Variants in DGKK observed in about 807,000 individuals in gnomAD.
DGKK encodes 142 kDa diacylglycerol kinase.
Under a neutral mutation model 92.2 loss-of-function variants are expected in DGKK, and 35 were observed. That is an observed-to-expected ratio of 0.38 (90% CI 0.29 to 0.50). The LOEUF (loss-of-function observed/expected upper bound fraction) is 0.50. Ranked by LOEUF, DGKK falls within the 20% of genes least tolerant of loss-of-function variation. The pLI is 0.92. For missense variants in DGKK, 910 were observed against 992.2 expected (o/e 0.92, Z 1.11); for synonymous variants, 368 against 360.6 (o/e 1.02, Z -0.23).
At chrX:50,393,453 A>T in intron 8 of DGKK, 118 bp from the exon 9 acceptor site, 1 of 566,252 alleles carries the variant, frequency 1.8e-6, no homozygotes, top group Non-Finnish European at 2.7e-6. Context: ...CAGTCTTTTG[A>T]AAATGAGGAG....
intron 3 of DGKK, among the ~76,000 whole-genome samples, chrX:50,421,247 C>T (rs1204004365): frequency 2.7e-5 from 3 of 111,764 alleles, no homozygotes; most frequent in Non-Finnish European, 3.8e-5. Flanking sequence ...AGGACTTGAT[C>T]TTTTCCCAGA....
chrX:50,424,252 G>A lies in DGKK; in HGVS notation c.752C>T (p.Pro251Leu). The change falls in exon 2 of 28, where the codon CCC becomes CTC. Residue 251 changes from proline (P) to leucine (L), a missense_variant. Pro to Leu is a moderately conservative substitution (Grantham distance 98, BLOSUM62 -3). Transcript: ENST00000611977. The stretch of plus-strand genomic sequence containing the variant: ...TGACAATATGCTATACATTACCGCG[G>A]GATGGTGTGCAAAGTAGAGCTTCTG... ...QGQKLYFAHHPAFAHFETIDL... is the reference protein window; with the variant it reads ...QGQKLYFAHHLAFAHFETIDL... 1 of 1,209,085 alleles carries A rather than the reference G, an allele frequency of 8.3e-7. No individual in the cohort carries two copies. The highest frequency in any genetic ancestry group is 1.1e-6 in the Non-Finnish European group (1 of 893,808).
chrX:50,464,031 A>T (rs1027025547), intron 1 of DGKK, among the ~76,000 whole-genome samples: 2 of 110,473 alleles, frequency 1.8e-5, no homozygotes, highest in African/African-American at 6.5e-5. Context: ...TCAGTTAAAA[A>T]TTAATTAAAA....
chrX:50,469,478 G>C (rs1377109518), intron 1 of DGKK, among the ~76,000 whole-genome samples: 1 of 112,445 alleles, frequency 8.9e-6, no homozygotes, highest in Non-Finnish European at 1.9e-5. Context: ...GTACCAGCTC[G>C]AAGCAGCCGG....
At chrX:50,455,721 G>A (rs1926592501) in intron 1 of DGKK, among the ~76,000 whole-genome samples, 2 of 111,566 alleles carry the variant, frequency 1.8e-5, no homozygotes, top group African/African-American at 6.5e-5. Flanking sequence ...AGAAGTTATT[G>A]AAAAAATTAC....
chrX:50,407,446 T>C (rs1925184409), intron 4 of DGKK, among the ~76,000 whole-genome samples: 1 of 111,161 alleles, frequency 9.0e-6, no homozygotes, highest in South Asian at 3.9e-4. Flanking sequence ...CACTGTGTAC[T>C]CTTGTGGTTT....
intron 21 of DGKK, 124 bp downstream of exon 21, chrX:50,378,454 C>G: frequency 1.3e-6 from 1 of 762,521 alleles, no homozygotes; most frequent in South Asian, 2.6e-5. Flanking sequence ...TTACTGCCCA[C>G]CAGATAACCT....
chrX:50,388,552 G>C lies in DGKK; in HGVS notation c.1993C>G (p.Pro665Ala). 8.3e-7 allele frequency: 1 copy of C among 1,208,446 alleles called. No individual in the cohort carries two copies. Among genetic ancestry groups the C allele is most frequent in the Non-Finnish European group, 1.1e-6 (1 of 893,641 alleles). Residue 665 changes from proline (P) to alanine (A), a missense_variant, in exon 13 of 28, where the codon CCC (proline) becomes GCC (alanine). By Grantham distance (27) the Pro-to-Ala change is conservative (BLOSUM62 -1). Transcript: ENST00000611977. ...CTGGTTGCGATGATCATCTCTGTGGGGTACTTGGCCTTCAGGATTTTGTTC... is the reference window on the plus strand; with the variant it reads ...CTGGTTGCGATGATCATCTCTGTGGCGTACTTGGCCTTCAGGATTTTGTTC... ...ELNKILKAKY[P>A]TEMIIATRFL...
intron 24 of DGKK, among the ~76,000 whole-genome samples, chrX:50,375,581 A>G (rs971939154): frequency 8.9e-6 from 1 of 111,887 alleles, no homozygotes; most frequent in Non-Finnish European, 1.9e-5. Context: ...GGACAAAGCC[A>G]TGGGGTGACA....
intron 18 of DGKK, 96 bp from the exon 19 acceptor site, chrX:50,380,173 G>A: frequency 1.4e-6 from 1 of 721,701 alleles, no homozygotes; most frequent in Non-Finnish European, 2.1e-6. Flanking sequence ...CTTCTCAAAT[G>A]CCTTCTTACA....
chrX:50,377,036 G>T, intron 22 of DGKK, 118 bp from the exon 23 acceptor site: 1 of 650,905 alleles, frequency 1.5e-6, no homozygotes, highest in Non-Finnish European at 2.2e-6. Context: ...GTGGGTAGAG[G>T]GGAAGGAGGG....
At chrX:50,393,844 A>G (rs1924766061) in intron 8 of DGKK, among the ~76,000 whole-genome samples, 1 of 112,079 alleles carries the variant, frequency 8.9e-6, no homozygotes, top group Non-Finnish European at 1.9e-5. Context: ...TCATTTAGCC[A>G]GGAGCTAATA....
chrX:50,415,312 G>A (rs1359961441), intron 4 of DGKK, among the ~76,000 whole-genome samples: 20 of 111,811 alleles, frequency 1.8e-4, no homozygotes, highest in African/African-American at 5.5e-4. Flanking sequence ...CAGTAAGTTC[G>A]AAATATTGTT....
chrX:50,460,453 G>A (rs1926715497), intron 1 of DGKK, among the ~76,000 whole-genome samples: 1 of 111,404 alleles, frequency 9.0e-6, no homozygotes, highest in Non-Finnish European at 1.9e-5. Context: ...GGATGTGTGG[G>A]TGGGTGGGGA....
At chrX:50,424,860 A>G (rs1487762162) in intron 1 of DGKK, among the ~76,000 whole-genome samples, 2 of 111,591 alleles carry the variant, frequency 1.8e-5, no homozygotes, top group African/African-American at 6.5e-5. Flanking sequence ...AGCCAAATCC[A>G]GTCTTTACCA....
chrX:50,384,873 G>C (rs781785841), intron 15 of DGKK, 49 bp from the exon 16 acceptor site: 3 of 953,097 alleles, frequency 3.1e-6, no homozygotes, highest in Non-Finnish European at 4.5e-6. Flanking sequence ...AGGAGGAAGG[G>C]AGGGAGGAAG....
At chrX:50,388,761 G>T (rs1483014110) in intron 12 of DGKK, 143 bp from the exon 13 acceptor site, 3 of 420,467 alleles carry the variant, frequency 7.1e-6, no homozygotes, top group Non-Finnish European at 1.2e-5. Context: ...AATGATCAAA[G>T]AATTCTTGTT....
At chrX:50,400,934 TTGAC>T (rs1267395881) in intron 8 of DGKK, 99 bp downstream of exon 8, 1 of 757,027 alleles carries the variant, frequency 1.3e-6, no homozygotes, top group African/African-American at 2.1e-5. Flanking sequence ...CCCAAAATGT[TTGAC>T]TGGTTGAGGA....
chrX:50,440,989 C>A (rs1355044194), intron 1 of DGKK, among the ~76,000 whole-genome samples: 4 of 111,692 alleles, frequency 3.6e-5, no homozygotes, highest in African/African-American at 1.3e-4. Flanking sequence ...CTTCAATCCT[C>A]ATGGCTTCCT....
Sources: gnomAD v4.1 joint callset for allele counts (sites outside exome capture counted in the v4.1 genomes callset) on GRCh38, gnomAD v4.1.1 for gene constraint, MANE v1.5 for transcripts, NCBI Gene and HGNC (gene_info 2026-07-23, HGNC 2026-07-21) for gene names.